Variants in RMC1 observed in about 807,000 individuals in gnomAD.
RMC1 encodes regulator of MON1-CCZ1.
A neutral mutation model predicts 95.5 loss-of-function variants in RMC1; 44 were observed. The observed-to-expected ratio is 0.46, with a 90% CI of 0.36 to 0.59. The LOEUF (loss-of-function observed/expected upper bound fraction) is 0.59, where lower values mean the gene tolerates loss of function less well. Among genes scored for constraint, RMC1 ranks in the 20% least tolerant of loss-of-function variants. The pLI is 0.00. For synonymous variants in RMC1, 320 were observed against 303.6 expected, an observed-to-expected ratio of 1.05 and a Z score of -0.56; for missense variants, 705 against 819.6, an observed-to-expected ratio of 0.86 and a Z score of 1.71.
chr18:23,531,002 ATTTTTTTTT>A (rs201056665), intron 19 of RMC1, among the ~76,000 whole-genome samples: 4 of 148,874 alleles, frequency 2.7e-5, no homozygotes, highest in East Asian at 2.0e-4. Flanking sequence ...GATCATTCTC[ATTTTTTTTT>A]TGAGACAGAG....
intron 9 of RMC1, 126 bp downstream of exon 9, chr18:23,519,300 T>C: frequency 1.3e-6 from 1 of 781,974 alleles, no homozygotes; most frequent in South Asian, 1.6e-5. Context: ...GACAGATTGC[T>C]TGAGCCCAGG....
At position 23,506,995 on chromosome 18, in the gene RMC1, T is replaced by G; in HGVS notation, c.205T>G (p.Cys69Gly). 1.2e-6 allele frequency: 2 copies of G among 1,608,944 alleles called. No homozygotes were observed. The highest frequency in any genetic ancestry group is 1.7e-6 in the Non-Finnish European group (2 of 1,177,496). Reference sequence around the variant, plus strand: ...AATGGATGACAAAGGAGAAGTGAAGTGCATTAAGTTTTCCTTAGAAAATAA... The same window carrying G: ...AATGGATGACAAAGGAGAAGTGAAGGGCATTAAGTTTTCCTTAGAAAATAA... The part of the protein sequence containing the change: ...FRMDDKGEVK[C>G]IKFSLENKIL... The change falls in exon 3 of 20, where the codon TGC (cysteine) becomes GGC (glycine). Residue 69 changes from cysteine (C) to glycine (G), a missense_variant. Transcript: ENST00000269221.
chr18:23,527,970 A>G, intron 14 of RMC1, 69 bp downstream of exon 14: 2 of 1,269,818 alleles, frequency 1.6e-6, no homozygotes, highest in East Asian at 5.0e-5. Flanking sequence ...CTAAGTAATT[A>G]TGATGCAAAA....
intron 5 of RMC1, among the ~76,000 whole-genome samples, chr18:23,514,081 A>G (rs1279038000): frequency 6.6e-6 from 1 of 152,172 alleles, no homozygotes; most frequent in African/African-American, 2.4e-5. Flanking sequence ...AAGGGGAACT[A>G]ATTTAGAGGG....
intron 3 of RMC1, among the ~76,000 whole-genome samples, chr18:23,507,453 A>G (rs988868896): frequency 1.1e-4 from 17 of 152,152 alleles, no homozygotes; most frequent in Admixed American, 9.8e-4. Context: ...AGCATAGAAT[A>G]TGTGAGGTAT....
chr18:23,527,078 T>C (rs2058319260), intron 13 of RMC1, among the ~76,000 whole-genome samples: 1 of 152,062 alleles, frequency 6.6e-6, no homozygotes, highest in South Asian at 2.1e-4. Flanking sequence ...TGCATATGTG[T>C]CTTCTTTAAG....
chr18:23,531,680 T>G lies in RMC1; in HGVS notation c.1950T>G (p.Ala650=). The G allele has an allele frequency of 6.2e-7, 1 of 1,613,370 alleles. No homozygotes were observed. Among genetic ancestry groups the G allele is most frequent in the Non-Finnish European group, 8.5e-7 (1 of 1,179,868 alleles). Residue 650 remains alanine (A), a synonymous_variant, in exon 20 of 20, where the codon GCT becomes GCG. Coordinates refer to ENST00000269221, the MANE Select transcript of RMC1 (RefSeq NM_013326.5). ...TCAAACAGATTTTTGGAGACCAAGC[T>G]CTAATGAGGCCTACAACATTCTGAA... ...AFFKQIFGDQ[A]LMRPTTF
chr18:23,529,998 T>A, intron 16 of RMC1, 30 bp from the exon 17 acceptor site: 1 of 1,566,600 alleles, frequency 6.4e-7, no homozygotes, highest in Non-Finnish European at 8.8e-7. Flanking sequence ...GATTTGGAAG[T>A]GTTCTTTCAC....
intron 5 of RMC1, among the ~76,000 whole-genome samples, chr18:23,512,305 G>A (rs183268040): frequency 1.3e-5 from 2 of 152,154 alleles, no homozygotes; most frequent in Non-Finnish European, 2.9e-5. Flanking sequence ...ACAGGCGTGA[G>A]CCACCATGCC....
intron 10 of RMC1, among the ~76,000 whole-genome samples, chr18:23,523,854 G>A (rs1464627449): frequency 6.6e-6 from 1 of 152,168 alleles, no homozygotes; most frequent in Non-Finnish European, 1.5e-5. Flanking sequence ...AAACGATCAT[G>A]AGTCATCTTT....
chr18:23,516,561 A>AGT, intron 7 of RMC1, 138 bp downstream of exon 7: 2 of 804,738 alleles, frequency 2.5e-6, no homozygotes, highest in Non-Finnish European at 4.0e-6. Context: ...CTGGGTATTC[A>AGT]GTGTATAGGT....
chr18:23,529,312 T>C lies in RMC1; in HGVS notation c.1416+14T>C, dbSNP rs2058411093. 1 of 1,603,160 alleles carries C rather than the reference T, an allele frequency of 6.2e-7. No homozygotes were observed. The highest frequency in any genetic ancestry group is 1.3e-5 in the African/African-American group (1 of 74,476). On this transcript the variant is annotated intron_variant, in intron 15 of 19. Coordinates refer to ENST00000269221, the MANE Select transcript of RMC1 (RefSeq NM_013326.5). ...GTGGAAAAGAAGGTGGGCTGCAGCT[T>C]TCCGCCTCTTCTGGACTGAGAATGC...
intron 12 of RMC1, 29 bp downstream of exon 12, chr18:23,524,511 A>G: frequency 6.2e-7 from 1 of 1,610,682 alleles, no homozygotes; most frequent in South Asian, 1.1e-5. Flanking sequence ...TTGTCGTGTT[A>G]CAACATGGTG....
chr18:23,531,484 G>C, intron 19 of RMC1, 141 bp from the exon 20 acceptor site: 6 of 1,448,116 alleles, frequency 4.1e-6, no homozygotes, highest in Non-Finnish European at 5.4e-6. Flanking sequence ...AAAGCAGATA[G>C]GGTAACCCCA....
At chr18:23,526,802 G>GT in intron 13 of RMC1, 37 bp downstream of exon 13, 3 of 1,608,350 alleles carry the variant, frequency 1.9e-6, no homozygotes, top group Middle Eastern at 1.7e-4. Context: ...TGATTCCAGT[G>GT]TGAGGCCTGT....
intron 3 of RMC1, among the ~76,000 whole-genome samples, chr18:23,507,718 T>C (rs2145133578): frequency 6.6e-6 from 1 of 152,290 alleles, no homozygotes. Context: ...CATCAGCTGC[T>C]TGAGGAATGA....
chr18:23,503,563 C>A lies in RMC1; in HGVS notation c.-56C>A. ...GTCCGGGCCGGGCTCCACCGCGCATCCTGCTCCACTCTGGCGACCGCCCCC... is the reference window on the plus strand; with the variant it reads ...GTCCGGGCCGGGCTCCACCGCGCATACTGCTCCACTCTGGCGACCGCCCCC... On this transcript the variant is annotated 5_prime_UTR_variant, in exon 1 of 20. Coordinates refer to ENST00000269221, the MANE Select transcript of RMC1 (RefSeq NM_013326.5). The A allele has an allele frequency of 7.4e-7, 1 of 1,352,588 alleles. No homozygotes were observed. The allele number at this position is 1,352,588 out of a possible 1,614,324, so 83.8% of individuals were successfully genotyped here.
intron 12 of RMC1, among the ~76,000 whole-genome samples, chr18:23,524,941 CT>C (rs5823396): frequency 0.013 from 892 of 69,198 alleles, 2 homozygotes; most frequent in African/African-American, 0.043. Context: ...TTAGAGAAAT[CT>C]TTTTTTTTTT....
intron 12 of RMC1, among the ~76,000 whole-genome samples, chr18:23,525,900 G>A (rs1234638964): frequency 1.3e-5 from 2 of 152,190 alleles, no homozygotes; most frequent in Non-Finnish European, 2.9e-5. Flanking sequence ...TGATGCTGTA[G>A]GCATCCACTG....
Sources: allele counts gnomAD v4.1 joint callset (sites outside exome capture counted in the v4.1 genomes callset), GRCh38; gene constraint gnomAD v4.1.1; transcripts MANE v1.5; gene names NCBI Gene and HGNC (gene_info 2026-07-23, HGNC 2026-07-21).